The following ZFC3H1 variants were observed in gnomAD, a reference collection of about 807,000 sequenced individuals.
ZFC3H1 encodes the protein zinc finger C3H1-type containing.
A neutral mutation model predicts 243.7 loss-of-function variants in ZFC3H1; 71 were observed. The ratio of observed to expected loss-of-function variants is 0.29; its 90% CI spans 0.24 to 0.36. ZFC3H1 has a LOEUF of 0.36. ZFC3H1 is among the 10% of genes least tolerant of loss of function. ZFC3H1 has a pLI of 1.00. For synonymous variants in ZFC3H1, 838 were observed against 813.0 expected, an observed-to-expected ratio of 1.03 and a Z score of -0.52; for missense variants, 1,966 against 2,317.1, an observed-to-expected ratio of 0.85 and a Z score of 3.11.
intron 1 of ZFC3H1, among the ~76,000 whole-genome samples, chr12:71,661,274 T>C (rs1031621244): frequency 2.6e-5 from 4 of 151,718 alleles, no homozygotes; most frequent in Non-Finnish European, 4.4e-5. Flanking sequence ...CACTCCAGCC[T>C]GGGCGACAGA....
chr12:71,617,626 T>C (rs1879922523), intron 27 of ZFC3H1, among the ~76,000 whole-genome samples: 1 of 152,214 alleles, frequency 6.6e-6, no homozygotes, highest in African/African-American at 2.4e-5. Flanking sequence ...AGCAAGTCTC[T>C]AAAGAGTTTG....
At position 71,638,527 on chromosome 12, in the gene ZFC3H1, T is replaced by A. The variant is rs754036700; in HGVS notation, c.1628-12A>T. 2.8e-5 allele frequency: 45 copies of A among 1,586,152 alleles called. No individual in the cohort carries two copies. The highest frequency in any genetic ancestry group is 8.2e-5 in the South Asian group (7 of 85,566). ...CACTGGTGAAGGAGCTGTAAAAAAA[T>A]TTTTTGTTAAGAGTTTAATAACAGA... On this transcript the variant is annotated splice_polypyrimidine_tract_variant and intron_variant, in intron 6 of 34. Coordinates refer to ENST00000378743, the MANE Select transcript of ZFC3H1 (RefSeq NM_144982.5).
intron 1 of ZFC3H1, chr12:71,660,308 G>C (rs1881132332): frequency 6.6e-6 from 1 of 152,142 alleles, no homozygotes. Flanking sequence ...AAGTAGCTGG[G>C]AACTACGTTT....
intron 13 of ZFC3H1, 35 bp downstream of exon 13, chr12:71,633,229 G>A: frequency 6.5e-7 from 1 of 1,530,182 alleles, no homozygotes; most frequent in Non-Finnish European, 8.7e-7. Flanking sequence ...AAAATGTGTA[G>A]TAAACAGGAG....
intron 4 of ZFC3H1, 118 bp downstream of exon 4, chr12:71,644,759 A>G (rs940358108): frequency 2.6e-6 from 3 of 1,162,524 alleles, no homozygotes; most frequent in Non-Finnish European, 2.4e-6. Flanking sequence ...TGGAGGTTGC[A>G]GTAAGCAAAG....
Position 71,626,439 on chromosome 12 carries a change from A to C in ZFC3H1, c.4138T>G (p.Ser1380Ala), listed in dbSNP as rs764428105. 6.2e-7 allele frequency: 1 copy of C among 1,613,284 alleles called. No individual in the cohort carries two copies. Among genetic ancestry groups the C allele is most frequent in the Admixed American group, 1.7e-5 (1 of 59,940 alleles). The change falls in exon 22 of 35, where the codon TCA becomes GCA. Residue 1380 changes from serine to alanine, a missense_variant. Coordinates refer to ENST00000378743, the MANE Select transcript of ZFC3H1 (RefSeq NM_144982.5). ...KYLNQNEGEC[S>A]ESLDSALNVL... is the part of the protein sequence containing the mutation. ...TTTAAAGCAGAATCCAAGGATTCTGAGCACTCCCTGTATATATAAAAGAAA... is the reference window on the plus strand; with the variant it reads ...TTTAAAGCAGAATCCAAGGATTCTGCGCACTCCCTGTATATATAAAAGAAA...
At chr12:71,611,923 G>T in intron 31 of ZFC3H1, 36 bp from the exon 32 acceptor site, 3 of 1,411,318 alleles carry the variant, frequency 2.1e-6, no homozygotes, top group Non-Finnish European at 2.0e-6. Flanking sequence ...ACAAAGCATT[G>T]CAAGTGTAAC....
At chr12:71,627,107 AAT>A (rs1450485648) in intron 21 of ZFC3H1, among the ~76,000 whole-genome samples, 1 of 142,892 alleles carries the variant, frequency 7.0e-6, no homozygotes, top group East Asian at 1.9e-4. Context: ...AAGATAGTCA[AAT>A]ATTTCAAAGA....
intron 22 of ZFC3H1, 25 bp downstream of exon 22, chr12:71,626,235 C>CACGT: frequency 6.2e-7 from 1 of 1,610,516 alleles, no homozygotes; most frequent in Non-Finnish European, 8.5e-7. Context: ...CACACACACA[C>CACGT]ACGTACGTTA....
At chr12:71,611,462 C>A (rs1879768291) in intron 32 of ZFC3H1, 1 of 175,652 alleles carries the variant, frequency 5.7e-6, no homozygotes, top group Non-Finnish European at 1.2e-5. Context: ...AGGTGACACA[C>A]CACCATTTCA....
In ZFC3H1 at chr12:71,636,993, G is replaced by C. The variant is rs1214229617; in HGVS notation, c.1792C>G (p.Leu598Val). The C allele has an allele frequency of 8.7e-6, 14 of 1,613,936 alleles. No homozygotes were observed. Among genetic ancestry groups the C allele is most frequent in the Non-Finnish European group, 1.2e-5 (14 of 1,179,966 alleles). Residue 598 changes from leucine (L) to valine (V), a missense_variant, in exon 8 of 35, where the codon CTA becomes GTA. Around this residue, in one of 4 missense-constraint regions of ZFC3H1, gnomAD observed 1,383 missense variants for 1,723.7 expected, o/e 0.80. Coordinates refer to ENST00000378743, the MANE Select transcript of ZFC3H1 (RefSeq NM_144982.5). ...GGTGGGAGAGGTGGTAATGGTGGTA[G>C]AGGAGGTAGAGGTTCAAGAGAAACA... ...LCVSLEPLPP[L>V]PPLPPLPPED...
chr12:71,632,537 G>A (rs754133051), intron 14 of ZFC3H1, 23 bp from the exon 15 acceptor site: 9 of 1,524,196 alleles, frequency 5.9e-6, no homozygotes, highest in East Asian at 2.3e-5. Context: ...AATGATACAC[G>A]TATTTTACAT....
intron 33 of ZFC3H1, 95 bp downstream of exon 33, chr12:71,610,963 A>G (rs1879752602): frequency 9.1e-6 from 14 of 1,545,436 alleles, no homozygotes; most frequent in Non-Finnish European, 1.1e-5. Flanking sequence ...TGAAATGTTA[A>G]CTTCTGTGCT....
intron 24 of ZFC3H1, among the ~76,000 whole-genome samples, chr12:71,621,428 C>T (rs957572389): frequency 3.3e-5 from 5 of 151,946 alleles, no homozygotes; most frequent in Admixed American, 2.0e-4. Context: ...CTCAGCCTCC[C>T]GAGTAGTTGG....
chr12:71,630,894 A>G lies in ZFC3H1; in HGVS notation c.3531T>C (p.Asn1177=). 1.2e-6 allele frequency: 2 copies of G among 1,613,554 alleles called. No homozygotes were observed. The highest frequency in any genetic ancestry group is 1.7e-6 in the Non-Finnish European group (2 of 1,179,654). The part of the protein sequence containing the change: ...KLPLSSVSYS[N]MIEPDQCFCR... ...AGAAACACTGATCCGGTTCAATCAT[A>G]TTACTGTATGATACTGAGCTCAGGG... The change falls in exon 17 of 35, where the codon AAT becomes AAC. Residue 1177 remains asparagine (N), a synonymous_variant. Coordinates refer to ENST00000378743, the MANE Select transcript of ZFC3H1 (RefSeq NM_144982.5).
At chr12:71,623,746 G>A (rs1237350009) in intron 23 of ZFC3H1, 149 bp from the exon 24 acceptor site, 1 of 626,516 alleles carries the variant, frequency 1.6e-6, no homozygotes, top group East Asian at 2.9e-5. Flanking sequence ...AATCTAATAA[G>A]ACAAAGACAA....
rs768717182 is a variant in ZFC3H1, at chr12:71,663,151, C to T, written c.460G>A (p.Gly154Arg). The stretch of plus-strand genomic sequence containing the variant: ...CCTCGCCCCCGACTCCAGCGACTCC[C>T]ACCCCGGTAAGGCCTGCCTCGAAAG... ...FRFRGRPYRG[G>R]SRWSRGRGVG... Residue 154 changes from glycine (G) to arginine (R), a missense_variant, in exon 1 of 35, where the codon GGG (glycine) becomes AGG (arginine). Around this residue, in one of 4 missense-constraint regions of ZFC3H1, gnomAD observed 484 missense variants for 449.7 expected, o/e 1.08. Transcript: ENST00000378743. The T allele has an allele frequency of 1.2e-6, 2 of 1,614,106 alleles. No homozygotes were observed. The highest frequency in any genetic ancestry group is 1.7e-6 in the Non-Finnish European group (2 of 1,180,016).
Position 71,632,661 on chromosome 12 carries a change from A to G in ZFC3H1, c.2818-147T>C, listed in dbSNP as rs546928358. 3.2e-6 allele frequency: 4 copies of G among 1,260,028 alleles called. No individual in the cohort carries two copies. In the East Asian group the frequency reaches 7.8e-5, roughly 25 times the overall value. 78.1% of individuals were successfully genotyped at this position (1,260,028 alleles called of 1,614,324 possible). Reference sequence around the variant, plus strand: ...GAATAAAACAGAGTTTAACATAAGTAGCCAAAAGTTTTGCTAGTTAATCTA... The same window carrying G: ...GAATAAAACAGAGTTTAACATAAGTGGCCAAAAGTTTTGCTAGTTAATCTA... On this transcript the variant is annotated intron_variant, in intron 14 of 34. Transcript: ENST00000378743.
At position 71,632,160 on chromosome 12, in the gene ZFC3H1, G is replaced by A. The variant is rs746632600; in HGVS notation, c.3172C>T (p.Leu1058Phe). 6 of 1,606,022 alleles carry A rather than the reference G, an allele frequency of 3.7e-6. No individual in the cohort carries two copies. Among genetic ancestry groups the A allele is most frequent in the East Asian group, 2.2e-5 (1 of 44,804 alleles). ...LESNYFTKPNLKHTDTANKEC... is the reference protein window; with the variant it reads ...LESNYFTKPNFKHTDTANKEC... ...TTGTTAGCAGTATCAGTGTGCTTAA[G>A]GTTAGGTTTAGTAAAATAATTGGAT... Residue 1058 changes from leucine to phenylalanine, a missense_variant, in exon 15 of 35, where the codon CTT becomes TTT. Coordinates refer to ENST00000378743, the MANE Select transcript of ZFC3H1 (RefSeq NM_144982.5).
Sources: allele counts gnomAD v4.1 joint callset (sites outside exome capture counted in the v4.1 genomes callset), GRCh38; gene constraint gnomAD v4.1.1; regional missense constraint gnomAD v4.1.1; transcripts MANE v1.5; gene names NCBI Gene and HGNC (gene_info 2026-07-23, HGNC 2026-07-21).